Variants in NTRK3 observed in about 807,000 individuals in gnomAD.
NTRK3 encodes NT-3 growth factor receptor.
Under a neutral mutation model 91.7 loss-of-function variants are expected in NTRK3, and 24 were observed. That is an observed-to-expected ratio of 0.26 (90% confidence interval 0.19 to 0.37). The LOEUF is 0.37. Among genes scored for constraint, NTRK3 ranks in the 10% least tolerant of loss-of-function variants. NTRK3 has a pLI of 1.00. For synonymous variants in NTRK3, 483 were observed against 404.0 expected (o/e 1.20, Z -2.34); for missense variants, 880 against 1,068.9 (o/e 0.82, Z 2.46).
chr15:88,064,394 C>G (rs564201301), intron 13 of NTRK3, among the ~76,000 whole-genome samples: 1 of 152,302 alleles, frequency 6.6e-6, no homozygotes, highest in South Asian at 2.1e-4. Context: ...AAGGCCACAC[C>G]CTTCCTTACT....
intron 3 of NTRK3, among the ~76,000 whole-genome samples, chr15:88,187,445 G>A (rs755908830): frequency 3.3e-5 from 5 of 152,166 alleles, no homozygotes; most frequent in Admixed American, 6.5e-5. Flanking sequence ...TGACTCTGCC[G>A]GCTGGTGTGT....
At chr15:88,151,467 C>G (rs910773057) in intron 5 of NTRK3, among the ~76,000 whole-genome samples, 1 of 152,280 alleles carries the variant, frequency 6.6e-6, no homozygotes, top group Admixed American at 6.5e-5. Flanking sequence ...CTCCTCTGAC[C>G]AGTAGAAACC....
intron 13 of NTRK3, among the ~76,000 whole-genome samples, chr15:88,083,967 T>G (rs980371936): frequency 1.3e-5 from 2 of 152,136 alleles, no homozygotes; most frequent in Non-Finnish European, 2.9e-5. Flanking sequence ...ACAAACACTC[T>G]TCCCCTAATT....
chr15:87,882,196 A>G (rs1567066093), intron 17 of NTRK3, among the ~76,000 whole-genome samples: 2 of 152,154 alleles, frequency 1.3e-5, no homozygotes, highest in South Asian at 4.1e-4. Flanking sequence ...TTGCCTAGCC[A>G]GAAAAGTTAT....
At chr15:88,088,319 A>G (rs934565516) in intron 13 of NTRK3, among the ~76,000 whole-genome samples, 1 of 152,306 alleles carries the variant, frequency 6.6e-6, no homozygotes, top group African/African-American at 2.4e-5. Context: ...TGTTGTTGCT[A>G]TGAGTATTAG....
chr15:88,050,059 C>T (rs2080666410), intron 13 of NTRK3, among the ~76,000 whole-genome samples: 1 of 152,116 alleles, frequency 6.6e-6, no homozygotes, highest in African/African-American at 2.4e-5. Flanking sequence ...TTGTTGAAGG[C>T]ACAGGCATTC....
Position 87,902,699 on chromosome 15 carries a change from G to A in NTRK3, c.2134-22271C>T, listed in dbSNP as rs190313398. ...ACAGTACATTGCCTTTTTGCTTAAG[G>A]TAGAGAGTTTTCTGTCACAGCTGAA... is the stretch of plus-strand genomic sequence containing the variant. On this transcript the variant is annotated intron_variant, in intron 17 of 18. Coordinates refer to ENST00000394480, the Ensembl canonical transcript of NTRK3. 9.2e-5 allele frequency among the ~76,000 whole-genome samples: 14 copies of A among 152,176 alleles called. No homozygotes were observed. The East Asian group carries it at 2.7e-3, about 29-fold the overall frequency.
chr15:88,117,444 C>G (rs1478054432), intron 13 of NTRK3, among the ~76,000 whole-genome samples: 1 of 152,196 alleles, frequency 6.6e-6, no homozygotes. Context: ...CCCAGCTTCT[C>G]TCTAAAAGGA....
intron 17 of NTRK3, among the ~76,000 whole-genome samples, chr15:87,917,012 C>T (rs1257478628): frequency 6.6e-6 from 1 of 152,204 alleles, no homozygotes; most frequent in Non-Finnish European, 1.5e-5. Flanking sequence ...GATCCCCCCG[C>T]CTGGGCCACC....
exon 19 of NTRK3, chr15:87,870,477 G>C: frequency 4.8e-6 from 1 of 209,774 alleles, no homozygotes; most frequent in Non-Finnish European, 9.7e-6. Flanking sequence ...TACAAATATG[G>C]TGCATACTGC....
chr15:88,090,406 G>A (rs2048910136), intron 13 of NTRK3, among the ~76,000 whole-genome samples: 1 of 152,096 alleles, frequency 6.6e-6, no homozygotes, highest in South Asian at 2.1e-4. Flanking sequence ...AAGGAATGAA[G>A]GAAGGGAGGA....
intron 3 of NTRK3, among the ~76,000 whole-genome samples, chr15:88,192,185 A>C (rs962288580): frequency 4.6e-5 from 7 of 152,216 alleles, no homozygotes; most frequent in African/African-American, 1.7e-4. Context: ...TGTGTTCTGC[A>C]GGTGCAAAGA....
At chr15:87,996,489 G>A (rs1435983595) in intron 14 of NTRK3, among the ~76,000 whole-genome samples, 1 of 152,156 alleles carries the variant, frequency 6.6e-6, no homozygotes, top group Non-Finnish European at 1.5e-5. Flanking sequence ...AAACATAGGG[G>A]GTGGGAGAGG....
intron 15 of NTRK3, among the ~76,000 whole-genome samples, chr15:87,934,715 G>A (rs945677077): frequency 8.5e-5 from 13 of 152,148 alleles, no homozygotes; most frequent in South Asian, 6.2e-4. Context: ...AACTGAGGCT[G>A]AGCCTGTCCA....
chr15:87,954,312 A>G (rs2071456697), intron 14 of NTRK3, among the ~76,000 whole-genome samples: 1 of 152,070 alleles, frequency 6.6e-6, no homozygotes, highest in African/African-American at 2.4e-5. Context: ...CTTTCCCTCT[A>G]TGTCTCCTCT....
At chr15:87,870,229 T>A (rs970650207) in exon 19 of NTRK3, 65 of 186,574 alleles carry the variant, frequency 3.5e-4, no homozygotes, top group African/African-American at 1.5e-3. Flanking sequence ...AACATATATA[T>A]GTATGATGGA....
intron 11 of NTRK3, 50 bp from the exon 12 acceptor site, chr15:88,127,276 G>A: frequency 2.0e-6 from 3 of 1,523,934 alleles, no homozygotes; most frequent in Admixed American, 1.7e-5. Flanking sequence ...CCCGGCTGGG[G>A]AGGCTCAGCC....
intron 13 of NTRK3, 74 bp downstream of exon 13, chr15:88,126,197 A>T: frequency 8.6e-7 from 1 of 1,159,204 alleles, no homozygotes; most frequent in Non-Finnish European, 1.3e-6. Flanking sequence ...ATGGGAGATT[A>T]AAACAGTATC....
intron 5 of NTRK3, among the ~76,000 whole-genome samples, chr15:88,175,951 T>C (rs938858505): frequency 2.0e-5 from 3 of 152,076 alleles, no homozygotes; most frequent in African/African-American, 7.2e-5. Flanking sequence ...AGCAGGATGT[T>C]TGATGGAAGC....
Sources: gnomAD v4.1 joint callset for allele counts (sites outside exome capture counted in the v4.1 genomes callset) on GRCh38, gnomAD v4.1.1 for gene constraint, MANE v1.5 for transcripts, NCBI Gene and HGNC (gene_info 2026-07-23, HGNC 2026-07-21) for gene names.